Variants in CHCHD6 observed in about 807,000 individuals in gnomAD.
The protein encoded by CHCHD6 is coiled-coil-helix-coiled-coil-helix domain containing 6.
A neutral mutation model predicts 32.3 loss-of-function variants in CHCHD6; 28 were observed. The ratio of observed to expected loss-of-function variants is 0.87; its 90% CI spans 0.64 to 1.19. The LOEUF is 1.19. Among genes scored for constraint, CHCHD6 ranks in the 50% most tolerant of loss-of-function variants. CHCHD6 has a pLI of 0.00. For synonymous variants in CHCHD6, 122 were observed against 117.5 expected (o/e 1.04, Z -0.25); for missense variants, 333 against 307.0 (o/e 1.08, Z -0.63).
At chr3:126,788,406 G>A (rs184955398) in intron 4 of CHCHD6, among the ~76,000 whole-genome samples, 2 of 152,280 alleles carry the variant, frequency 1.3e-5, no homozygotes, top group Non-Finnish European at 2.9e-5. Context: ...AATGGTACCA[G>A]CTCCTCCTTG....
At chr3:126,791,264 G>A (rs1484160195) in intron 4 of CHCHD6, among the ~76,000 whole-genome samples, 1 of 152,236 alleles carries the variant, frequency 6.6e-6, no homozygotes, top group Non-Finnish European at 1.5e-5. Flanking sequence ...AGGCTCCTTG[G>A]CGGTCAGGGA....
intron 2 of CHCHD6, among the ~76,000 whole-genome samples, chr3:126,730,022 A>G (rs1173042969): frequency 6.6e-6 from 1 of 152,210 alleles, no homozygotes; most frequent in African/African-American, 2.4e-5. Context: ...TGTAACAACA[A>G]AAAGAGCCCA....
intron 4 of CHCHD6, among the ~76,000 whole-genome samples, chr3:126,743,171 G>A (rs891301133): frequency 1.3e-5 from 2 of 152,214 alleles, no homozygotes; most frequent in Non-Finnish European, 2.9e-5. Flanking sequence ...ATTCAAGTGT[G>A]GGGATTTCAG....
At chr3:126,807,331 A>G (rs1159772133) in intron 4 of CHCHD6, among the ~76,000 whole-genome samples, 1 of 152,144 alleles carries the variant, frequency 6.6e-6, no homozygotes, top group Non-Finnish European at 1.5e-5. Context: ...TTAAATCCAC[A>G]GAAAAGAGAA....
intron 4 of CHCHD6, among the ~76,000 whole-genome samples, chr3:126,751,317 C>G (rs1384006416): frequency 2.6e-5 from 4 of 151,874 alleles, no homozygotes; most frequent in Non-Finnish European, 2.9e-5. Flanking sequence ...GCCTGGGCAA[C>G]ATGGCAAAAC....
intron 4 of CHCHD6, among the ~76,000 whole-genome samples, chr3:126,795,117 T>C (rs1188402687): frequency 1.3e-5 from 2 of 152,172 alleles, no homozygotes; most frequent in African/African-American, 4.8e-5. Flanking sequence ...TCTGAGAGCA[T>C]GTCTGGCCTT....
At chr3:126,910,720 T>G (rs893571358) in intron 5 of CHCHD6, among the ~76,000 whole-genome samples, 2 of 152,292 alleles carry the variant, frequency 1.3e-5, no homozygotes, top group South Asian at 4.1e-4. Flanking sequence ...TGAGTGATAC[T>G]CAAGGGATGA....
chr3:126,897,481 C>G (rs2077857853), intron 5 of CHCHD6, among the ~76,000 whole-genome samples: 1 of 152,212 alleles, frequency 6.6e-6, no homozygotes, highest in South Asian at 2.1e-4. Context: ...CTGTTCCTTA[C>G]TAGCTTTTAC....
At chr3:126,791,222 A>T (rs1938523092) in intron 4 of CHCHD6, among the ~76,000 whole-genome samples, 1 of 152,224 alleles carries the variant, frequency 6.6e-6, no homozygotes, top group Admixed American at 6.5e-5. Flanking sequence ...TTGAGGTGTC[A>T]GTCTGCCCCT....
chr3:126,706,542 G>T (rs1041625360), intron 1 of CHCHD6, among the ~76,000 whole-genome samples: 1 of 152,136 alleles, frequency 6.6e-6, no homozygotes, highest in Admixed American at 6.5e-5. Flanking sequence ...AGGAACTTTG[G>T]TGACTGACTG....
intron 4 of CHCHD6, among the ~76,000 whole-genome samples, chr3:126,817,392 A>G (rs1939952672): frequency 6.8e-6 from 1 of 147,900 alleles, no homozygotes; most frequent in Non-Finnish European, 1.5e-5. Context: ...TTGGAGAGCC[A>G]CTTCTAGGGC....
At chr3:126,817,356 T>TTA (rs1939951231) in intron 4 of CHCHD6, among the ~76,000 whole-genome samples, 1 of 151,626 alleles carries the variant, frequency 6.6e-6, no homozygotes. Flanking sequence ...TTTTTTTTTT[T>TTA]AAATGAAAAG....
chr3:126,881,876 C>G (rs2077615609), intron 5 of CHCHD6, among the ~76,000 whole-genome samples: 1 of 152,212 alleles, frequency 6.6e-6, no homozygotes, highest in Non-Finnish European at 1.5e-5. Flanking sequence ...GCTGCCCTGG[C>G]AGGTGGCTCT....
At chr3:126,721,114 C>G (rs1305578911) in intron 1 of CHCHD6, among the ~76,000 whole-genome samples, 1 of 152,236 alleles carries the variant, frequency 6.6e-6, no homozygotes, top group African/African-American at 2.4e-5. Context: ...CGTTCATTCC[C>G]TGCAGTCAGG....
chr3:126,758,899 TGGTG>T (rs1407502494), intron 4 of CHCHD6, among the ~76,000 whole-genome samples: 4 of 152,364 alleles, frequency 2.6e-5, no homozygotes, highest in African/African-American at 9.6e-5. Flanking sequence ...TCCTTTTGAC[TGGTG>T]TTCAATAAAG....
At chr3:126,863,096 T>C (rs989026360) in intron 5 of CHCHD6, among the ~76,000 whole-genome samples, 12 of 2,842 alleles carry the variant, frequency 4.2e-3, no homozygotes, top group Non-Finnish European at 5.5e-3. Flanking sequence ...TCCTCCACCA[T>C]CACCACCTCC....
chr3:126,906,495 A>G (rs1482233581), intron 5 of CHCHD6, among the ~76,000 whole-genome samples: 1 of 152,104 alleles, frequency 6.6e-6, no homozygotes, highest in East Asian at 1.9e-4. Context: ...GCGGTCCAAC[A>G]CCTTCCGACA....
chr3:126,946,037 G>A (rs2078633201), intron 6 of CHCHD6, among the ~76,000 whole-genome samples: 1 of 152,064 alleles, frequency 6.6e-6, no homozygotes, highest in African/African-American at 2.4e-5. Flanking sequence ...TCATAGGATT[G>A]TGCTCAAGAG....
chr3:126,804,823 C>T (rs1051068296), intron 4 of CHCHD6, among the ~76,000 whole-genome samples: 10 of 152,148 alleles, frequency 6.6e-5, no homozygotes, highest in African/African-American at 2.4e-4. Flanking sequence ...CAAACCAAAT[C>T]CAGCAGCACA....
Sources: gnomAD v4.1 joint callset for allele counts (sites outside exome capture counted in the v4.1 genomes callset) on GRCh38, gnomAD v4.1.1 for gene constraint, MANE v1.5 for transcripts, NCBI Gene and HGNC (gene_info 2026-07-23, HGNC 2026-07-21) for gene names.